Variants in AKT3 observed in about 807,000 individuals in gnomAD.
The protein encoded by AKT3 is RAC-gamma serine/threonine-protein kinase.
AKT3 carries 15 observed loss-of-function variants against 65.3 expected under a neutral mutation model. The observed-to-expected ratio is 0.23, with a 90% confidence interval of 0.15 to 0.35. The LOEUF is 0.35. Ranked by LOEUF, AKT3 falls within the 10% of genes least tolerant of loss-of-function variation. The pLI is 1.00. For missense variants in AKT3, 243 were observed against 576.5 expected (o/e 0.42, Z 5.92); for synonymous variants, 206 against 183.8 (o/e 1.12, Z -0.98).
At chr1:243,843,067 A>G (rs1469119394) in intron 2 of AKT3, 58 bp downstream of exon 2, 24 of 1,563,098 alleles carry the variant, frequency 1.5e-5, no homozygotes, top group Non-Finnish European at 2.0e-5. Context: ...CTTCTAAGAC[A>G]CCACTCACTG....
chr1:243,698,418 TAAAAG>T (rs1481680649), intron 2 of AKT3, among the ~76,000 whole-genome samples: 1 of 152,032 alleles, frequency 6.6e-6, no homozygotes, highest in Non-Finnish European at 1.5e-5. Flanking sequence ...AATGTAAAAT[TAAAAG>T]AAATCAAATT....
intron 13 of AKT3, among the ~76,000 whole-genome samples, chr1:243,506,933 GGGAATGAT>G (rs1669705784): frequency 6.6e-6 from 1 of 152,244 alleles, no homozygotes; most frequent in Non-Finnish European, 1.5e-5. Context: ...GGAAGGAGCT[GGGAATGAT>G]GGTGTACCCG....
chr1:243,628,599 T>G (rs1679364617), intron 6 of AKT3, among the ~76,000 whole-genome samples: 1 of 152,192 alleles, frequency 6.6e-6, no homozygotes, highest in South Asian at 2.1e-4. Context: ...GTCATCACGC[T>G]TGGCCTCCTC....
At chr1:243,719,986 G>C (rs1383444535) in intron 2 of AKT3, among the ~76,000 whole-genome samples, 1 of 152,166 alleles carries the variant, frequency 6.6e-6, no homozygotes, top group Admixed American at 6.5e-5. Context: ...TTGGTGTTAA[G>C]AGAGAGACAT....
intron 2 of AKT3, among the ~76,000 whole-genome samples, chr1:243,764,175 A>C (rs1289114601): frequency 2.6e-5 from 4 of 152,156 alleles, no homozygotes; most frequent in Admixed American, 2.6e-4. Context: ...TTCTCATGTC[A>C]AAATTTTCTC....
At chr1:243,726,624 T>C (rs1031651802) in intron 2 of AKT3, among the ~76,000 whole-genome samples, 3 of 152,144 alleles carry the variant, frequency 2.0e-5, no homozygotes, top group African/African-American at 7.2e-5. Context: ...AAAGTTAACA[T>C]TTATCTATGA....
chr1:243,514,782 T>A (rs1264943513), intron 12 of AKT3, among the ~76,000 whole-genome samples: 1 of 152,166 alleles, frequency 6.6e-6, no homozygotes, highest in Non-Finnish European at 1.5e-5. Context: ...GCCAAGATTA[T>A]GCTATTGCAT....
intron 2 of AKT3, among the ~76,000 whole-genome samples, chr1:243,789,663 AATGGTGAGTCCTTTCCGGAAAGTTT>A (rs1691494960): frequency 1.3e-5 from 2 of 152,164 alleles, no homozygotes; most frequent in South Asian, 4.1e-4. Flanking sequence ...TGGCATCTAG[AATGGTGAGTCCTTTCCGGAAAGTTT>A]TTCACTGACT....
chr1:243,639,702 C>T (rs1282769385), intron 5 of AKT3, among the ~76,000 whole-genome samples: 1 of 152,190 alleles, frequency 6.6e-6, no homozygotes, highest in Non-Finnish European at 1.5e-5. Context: ...CACCAGAAAA[C>T]TCAGGAGTAA....
chr1:243,514,849 T>C (rs1189373671), intron 12 of AKT3, among the ~76,000 whole-genome samples: 4 of 152,048 alleles, frequency 2.6e-5, no homozygotes, highest in African/African-American at 9.7e-5. Context: ...ACAAAAAACA[T>C]GCAACTGATA....
At chr1:243,764,136 G>C (rs1689665161) in intron 2 of AKT3, among the ~76,000 whole-genome samples, 1 of 151,950 alleles carries the variant, frequency 6.6e-6, no homozygotes, top group African/African-American at 2.4e-5. Context: ...AAACATCTAA[G>C]TCGCTACTTT....
intron 2 of AKT3, among the ~76,000 whole-genome samples, chr1:243,770,465 T>C (rs1283663519): frequency 1.3e-5 from 2 of 152,094 alleles, no homozygotes; most frequent in Non-Finnish European, 1.5e-5. Flanking sequence ...ATCATACTTT[T>C]TTTCAAGTAA....
intron 12 of AKT3, among the ~76,000 whole-genome samples, chr1:243,535,662 A>C (rs1671875225): frequency 6.6e-6 from 1 of 152,130 alleles, no homozygotes; most frequent in Non-Finnish European, 1.5e-5. Flanking sequence ...TATCTTTGCA[A>C]TTGTGAATTG....
intron 3 of AKT3, among the ~76,000 whole-genome samples, chr1:243,666,069 T>A (rs2147925733): frequency 6.6e-6 from 1 of 152,284 alleles, no homozygotes; most frequent in East Asian, 1.9e-4. Context: ...AGTGGCGCGA[T>A]CTCGGCTCAC....
intron 2 of AKT3, among the ~76,000 whole-genome samples, chr1:243,815,796 T>TTGTTGTTGTTGTTGTTGC (rs1422653990): frequency 4.0e-5 from 6 of 151,738 alleles, no homozygotes; most frequent in Non-Finnish European, 7.4e-5. Flanking sequence ...GTTGTTGTTG[T>TTGTTGTTGTTGTTGTTGC]TGTAGAGATG....
chr1:243,750,408 T>TATACAC (rs973648160), intron 2 of AKT3, among the ~76,000 whole-genome samples: 24 of 149,396 alleles, frequency 1.6e-4, no homozygotes, highest in African/African-American at 5.9e-4. Flanking sequence ...CATGCACGTA[T>TATACAC]ACACACACAC....
At chr1:243,784,787 C>T (rs922803062) in intron 2 of AKT3, among the ~76,000 whole-genome samples, 4 of 151,904 alleles carry the variant, frequency 2.6e-5, no homozygotes, top group African/African-American at 9.7e-5. Context: ...GCCTCCTGTG[C>T]TCCCCCTCCC....
intron 2 of AKT3, among the ~76,000 whole-genome samples, chr1:243,795,476 G>GTTTTTTTTTTTTTTTT (rs11440720): frequency 7.3e-5 from 8 of 109,866 alleles, no homozygotes; most frequent in Non-Finnish European, 8.8e-5. Flanking sequence ...TTTTTTTTTG[G>GTTTTTTTTTTTTTTTT]TTTTTTTTTT....
intron 10 of AKT3, among the ~76,000 whole-genome samples, chr1:243,561,252 T>C (rs1472655762): frequency 1.3e-5 from 2 of 152,162 alleles, no homozygotes; most frequent in Non-Finnish European, 2.9e-5. Flanking sequence ...AGTTACTTTA[T>C]GTTTAAGGAA....
Sources: allele counts gnomAD v4.1 joint callset (sites outside exome capture counted in the v4.1 genomes callset), GRCh38; gene constraint gnomAD v4.1.1; transcripts MANE v1.5; gene names NCBI Gene and HGNC (gene_info 2026-07-23, HGNC 2026-07-21).